CDH19: variants seen among roughly 807,000 people sequenced by gnomAD.
The protein encoded by CDH19 is cadherin-19.
Under a neutral mutation model 64.2 loss-of-function variants are expected in CDH19, and 67 were observed. That is an observed-to-expected ratio of 1.04 (90% confidence interval 0.86 to 1.28). The LOEUF (loss-of-function observed/expected upper bound fraction) is 1.28, where lower values mean the gene tolerates loss of function less well. Ranked by LOEUF, CDH19 falls within the 50% of genes most tolerant of loss-of-function variation. CDH19 has a pLI of 0.00. For missense variants in CDH19, 1,030 were observed against 929.0 expected (o/e 1.11, Z -1.41); for synonymous variants, 346 against 319.3 (o/e 1.08, Z -0.89).
rs1988156459 is a variant in CDH19, at chr18:66,573,067, G to A, written c.-112-751C>T. 2.6e-5 allele frequency among the ~76,000 whole-genome samples: 4 copies of A among 151,526 alleles called. No individual in the cohort carries two copies. The Admixed American group carries it at 2.6e-4, about 10-fold the overall frequency. ...TTAAATATTAAAACAAAAGACTCTG[G>A]CTATTGAGTTTTACATTTAAAACTT... On this transcript the variant is annotated intron_variant, in intron 1 of 11. Coordinates refer to ENST00000262150, the MANE Select transcript of CDH19 (RefSeq NM_021153.4).
At chr18:66,560,977 G>A (rs1302849949) in intron 3 of CDH19, among the ~76,000 whole-genome samples, 3 of 151,982 alleles carry the variant, frequency 2.0e-5, no homozygotes, top group Non-Finnish European at 4.4e-5. Context: ...TTTTAGAGAA[G>A]ATTTTAACAT....
chr18:66,555,580 A>T (rs1987487664), intron 3 of CDH19, among the ~76,000 whole-genome samples: 1 of 151,814 alleles, frequency 6.6e-6, no homozygotes, highest in Admixed American at 6.6e-5. Context: ...TCTTATTCAC[A>T]TAATTTTATG....
At chr18:66,576,208 T>C (rs117472308) in intron 1 of CDH19, among the ~76,000 whole-genome samples, 2,266 of 151,462 alleles carry the variant, frequency 0.015, 28 homozygotes, top group Middle Eastern at 0.027. Flanking sequence ...TAATAATCAC[T>C]CTAAATATTA....
At chr18:66,578,796 T>C (rs1228306162) in intron 1 of CDH19, among the ~76,000 whole-genome samples, 1 of 151,942 alleles carries the variant, frequency 6.6e-6, no homozygotes, top group Non-Finnish European at 1.5e-5. Context: ...AATATGTCTA[T>C]GCAATGTAAT....
In CDH19 at chr18:66,568,579, C is replaced by T. The variant is rs748166068; in HGVS notation, c.327G>A (p.Glu109=). The change falls in exon 3 of 12, where the codon GAG becomes GAA. Residue 109 remains glutamate, a synonymous_variant. Transcript: ENST00000262150. Reference sequence around the variant, plus strand: ...GGGCTCTTAAGATGTAGAGGGATCGCTCCTCTCTATCAAGCTTCTGTATGG... The same window carrying T: ...GGGCTCTTAAGATGTAGAGGGATCGTTCCTCTCTATCAAGCTTCTGTATGG... ...IYAIQKLDRE[E]RSLYILRAQV... 2.5e-6 allele frequency: 4 copies of T among 1,612,032 alleles called. No homozygotes were observed. In the African/African-American group the frequency reaches 5.4e-5, roughly 22 times the overall value.
chr18:66,595,879 G>A (rs1988874078), intron 1 of CDH19, among the ~76,000 whole-genome samples: 1 of 151,930 alleles, frequency 6.6e-6, no homozygotes, highest in South Asian at 2.1e-4. Context: ...AAAACTTCAG[G>A]CCAATATCCT....
chr18:66,578,500 A>G (rs148468218), intron 1 of CDH19, among the ~76,000 whole-genome samples: 2 of 152,008 alleles, frequency 1.3e-5, no homozygotes, highest in Admixed American at 1.3e-4. Context: ...ACATAGAGCA[A>G]CTGTACCTCT....
At chr18:66,519,441 A>G (rs1006779983) in intron 9 of CDH19, among the ~76,000 whole-genome samples, 13 of 152,144 alleles carry the variant, frequency 8.5e-5, no homozygotes, top group Admixed American at 8.5e-4. Context: ...CATGGTTAGG[A>G]TATTATCATC....
At chr18:66,527,609 G>T (rs1986273651) in intron 9 of CDH19, among the ~76,000 whole-genome samples, 2 of 152,028 alleles carry the variant, frequency 1.3e-5, no homozygotes, top group Admixed American at 6.6e-5. Flanking sequence ...ATTTAGCCGG[G>T]TGTGGTGGCG....
chr18:66,510,631 A>T (rs180745167), intron 10 of CDH19, among the ~76,000 whole-genome samples: 1 of 145,552 alleles, frequency 6.9e-6, no homozygotes, highest in East Asian at 2.0e-4. Context: ...ATAATAATAC[A>T]TGTACCCCCT....
At chr18:66,577,286 A>G (rs1031485421) in intron 1 of CDH19, among the ~76,000 whole-genome samples, 4 of 151,908 alleles carry the variant, frequency 2.6e-5, no homozygotes, top group African/African-American at 9.7e-5. Flanking sequence ...TAACTCAAAG[A>G]ACATTTTAAA....
At chr18:66,597,162 T>A (rs1421881885) in intron 1 of CDH19, among the ~76,000 whole-genome samples, 8 of 86,288 alleles carry the variant, frequency 9.3e-5, no homozygotes, top group African/African-American at 1.1e-4. Context: ...AATCTTAAGT[T>A]AAAAAAAAAA....
chr18:66,534,965 G>T, intron 8 of CDH19, 21 bp downstream of exon 8: 1 of 1,423,066 alleles, frequency 7.0e-7, no homozygotes, highest in South Asian at 1.7e-5. Context: ...CAACTGTATT[G>T]GATTTCAAAT....
At chr18:66,557,205 ACTC>A (rs1387890402) in intron 3 of CDH19, among the ~76,000 whole-genome samples, 2 of 151,836 alleles carry the variant, frequency 1.3e-5, no homozygotes, top group African/African-American at 4.8e-5. Context: ...ACCAGTGTGT[ACTC>A]CTTACACACA....
chr18:66,579,411 C>A (rs1988359890), intron 1 of CDH19, among the ~76,000 whole-genome samples: 1 of 151,980 alleles, frequency 6.6e-6, no homozygotes. Flanking sequence ...CAAATTGTGT[C>A]TTTCTACAGA....
chr18:66,590,624 A>T (rs1325465481), intron 1 of CDH19, among the ~76,000 whole-genome samples: 1 of 152,100 alleles, frequency 6.6e-6, no homozygotes. Context: ...TATCAGAAAG[A>T]AATACTGCTG....
chr18:66,568,889 AG>A (rs2144572957), intron 2 of CDH19, among the ~76,000 whole-genome samples, 179 bp from the exon 3 acceptor site: 1 of 151,906 alleles, frequency 6.6e-6, no homozygotes, highest in South Asian at 2.1e-4. Flanking sequence ...ACCAGGGAGA[AG>A]GAAGAGTGAA....
chr18:66,533,954 T>C (rs1391937875), intron 8 of CDH19, among the ~76,000 whole-genome samples: 2 of 151,936 alleles, frequency 1.3e-5, no homozygotes, highest in Non-Finnish European at 2.9e-5. Flanking sequence ...AGTAAAAAAA[T>C]GGCAGTTACA....
At chr18:66,560,185 G>A (rs540912905) in intron 3 of CDH19, among the ~76,000 whole-genome samples, 1 of 152,184 alleles carries the variant, frequency 6.6e-6, no homozygotes, top group South Asian at 2.1e-4. Flanking sequence ...AAACGCCTAG[G>A]ACAAAACTAC....
Sources: gnomAD v4.1 joint callset for allele counts (sites outside exome capture counted in the v4.1 genomes callset) on GRCh38, gnomAD v4.1.1 for gene constraint, MANE v1.5 for transcripts, NCBI Gene and HGNC (gene_info 2026-07-23, HGNC 2026-07-21) for gene names.